Variants in CCSER1 observed in about 807,000 individuals in gnomAD.
CCSER1 encodes coiled-coil serine rich protein 1.
Under a neutral mutation model 82.0 loss-of-function variants are expected in CCSER1, and 41 were observed. The observed-to-expected ratio is 0.50, with a 90% CI of 0.39 to 0.65. The LOEUF (loss-of-function observed/expected upper bound fraction) is 0.65, where lower values mean the gene tolerates loss of function less well. CCSER1 is among the 30% of genes least tolerant of loss of function. The pLI, the probability that CCSER1 is intolerant of heterozygous loss-of-function variation, is 0.00. For missense variants in CCSER1, 1,119 were observed against 1,064.2 expected (o/e 1.05, Z -0.72); for synonymous variants, 414 against 383.9 (o/e 1.08, Z -0.92).
chr4:90,483,586 AG>A (rs1481922394), intron 5 of CCSER1, among the ~76,000 whole-genome samples: 7 of 152,176 alleles, frequency 4.6e-5, no homozygotes. Flanking sequence ...AGAATCTCTC[AG>A]CATTTGCTTG....
intron 7 of CCSER1, among the ~76,000 whole-genome samples, chr4:90,773,560 A>C (rs1752511404): frequency 6.6e-6 from 1 of 152,216 alleles, no homozygotes; most frequent in South Asian, 2.1e-4. Flanking sequence ...CTACCTTCAA[A>C]TACCTTCCCA....
chr4:91,215,311 T>C (rs151239133), intron 10 of CCSER1, among the ~76,000 whole-genome samples: 1 of 152,294 alleles, frequency 6.6e-6, no homozygotes, highest in East Asian at 1.9e-4. Context: ...ATAAAGTACA[T>C]ATGCCTTTAA....
chr4:91,508,100 A>G (rs1759606259), intron 10 of CCSER1, among the ~76,000 whole-genome samples: 1 of 146,408 alleles, frequency 6.8e-6, no homozygotes, highest in African/African-American at 2.5e-5. Flanking sequence ...TCTGTGTAGA[A>G]ACTCCAGTAT....
At chr4:90,650,308 G>T (rs982593831) in intron 6 of CCSER1, among the ~76,000 whole-genome samples, 1 of 152,056 alleles carries the variant, frequency 6.6e-6, no homozygotes, top group African/African-American at 2.4e-5. Flanking sequence ...AAAGGAAGAA[G>T]GTTGCCATGT....
chr4:90,751,440 T>A (rs2149485049), intron 7 of CCSER1, among the ~76,000 whole-genome samples: 1 of 152,200 alleles, frequency 6.6e-6, no homozygotes, highest in East Asian at 1.9e-4. Context: ...GTAATTATAA[T>A]TTTGTCCTAA....
intron 1 of CCSER1, among the ~76,000 whole-genome samples, chr4:90,138,353 A>G (rs1724092635): frequency 6.6e-6 from 1 of 152,100 alleles, no homozygotes; most frequent in Admixed American, 6.6e-5. Context: ...CACTACGCCC[A>G]ACTAAGAATG....
intron 10 of CCSER1, among the ~76,000 whole-genome samples, chr4:91,278,706 G>A (rs994567511): frequency 6.6e-6 from 1 of 151,856 alleles, no homozygotes; most frequent in Non-Finnish European, 1.5e-5. Context: ...GATATGTGAG[G>A]TTTTTTTCTT....
At chr4:90,498,370 C>A (rs2175333) in intron 5 of CCSER1, among the ~76,000 whole-genome samples, 4 of 151,968 alleles carry the variant, frequency 2.6e-5, no homozygotes, top group Admixed American at 1.3e-4. Flanking sequence ...TGATTGACTG[C>A]GCAGAACTGA....
chr4:91,275,851 C>T lies in CCSER1; in HGVS notation c.2217+189857C>T, dbSNP rs560865356. Among the ~76,000 whole-genome samples, 8 of 152,170 alleles carry T rather than the reference C, an allele frequency of 5.3e-5. No individual in the cohort carries two copies. In the East Asian group the frequency reaches 9.7e-4, roughly 18 times the overall value. ...TGATTTTTGTAGATGGTGAGAGATA[C>T]GGTTTCAGTTTCATTCTGTTGCATA... On this transcript the variant is annotated intron_variant, in intron 10 of 10. Transcript: ENST00000509176.
chr4:91,030,385 A>G (rs1401370254), intron 9 of CCSER1, among the ~76,000 whole-genome samples: 1 of 152,132 alleles, frequency 6.6e-6, no homozygotes, highest in Non-Finnish European at 1.5e-5. Flanking sequence ...TGAAATGTGA[A>G]TATTGTGACT....
intron 10 of CCSER1, among the ~76,000 whole-genome samples, chr4:91,484,242 G>A (rs1006225990): frequency 1.3e-5 from 2 of 151,942 alleles, no homozygotes; most frequent in South Asian, 2.1e-4. Context: ...TGAGCTTTTT[G>A]TTACTCTAGA....
intron 3 of CCSER1, among the ~76,000 whole-genome samples, chr4:90,334,553 CA>C (rs11393986): frequency 0.037 from 5,502 of 147,516 alleles, 207 homozygotes; most frequent in African/African-American, 0.11. Flanking sequence ...ACTTTGCTGC[CA>C]AAAAAAAAAG....
At chr4:91,216,997 A>C (rs1581787309) in intron 10 of CCSER1, among the ~76,000 whole-genome samples, 1 of 152,064 alleles carries the variant, frequency 6.6e-6, no homozygotes, top group South Asian at 2.1e-4. Context: ...GAAGCCGCGG[A>C]CCCTCGCGGT....
chr4:90,558,512 T>C (rs2153645804), intron 5 of CCSER1, among the ~76,000 whole-genome samples: 1 of 152,168 alleles, frequency 6.6e-6, no homozygotes, highest in East Asian at 1.9e-4. Flanking sequence ...ATACTTGTTT[T>C]TGTATTCTAG....
chr4:91,280,772 G>T (rs1742855978), intron 10 of CCSER1, among the ~76,000 whole-genome samples: 1 of 152,172 alleles, frequency 6.6e-6, no homozygotes, highest in Non-Finnish European at 1.5e-5. Context: ...TGCTGCCAAT[G>T]GCTCACACTT....
intron 3 of CCSER1, among the ~76,000 whole-genome samples, chr4:90,396,145 AG>A (rs1751925288): frequency 6.6e-6 from 1 of 152,118 alleles, no homozygotes; most frequent in African/African-American, 2.4e-5. Context: ...TTTATTATGT[AG>A]GGCTATCTAG....
intron 10 of CCSER1, among the ~76,000 whole-genome samples, chr4:91,288,908 T>A: frequency 6.6e-6 from 1 of 151,782 alleles, no homozygotes; most frequent in Non-Finnish European, 1.5e-5. Flanking sequence ...AGACTTAGAG[T>A]TGATCAGAGA....
chr4:90,490,192 T>A (rs1767757668), intron 5 of CCSER1, among the ~76,000 whole-genome samples: 1 of 152,186 alleles, frequency 6.6e-6, no homozygotes, highest in Admixed American at 6.5e-5. Flanking sequence ...TGTTGTTTCC[T>A]GACTTTTTAA....
chr4:90,829,435 G>C (rs1396214227), intron 8 of CCSER1, among the ~76,000 whole-genome samples: 1 of 152,020 alleles, frequency 6.6e-6, no homozygotes, highest in Admixed American at 6.6e-5. Flanking sequence ...AAATGAAAGA[G>C]TAAAAATAAA....
Sources: gnomAD v4.1 joint callset for allele counts (sites outside exome capture counted in the v4.1 genomes callset) on GRCh38, gnomAD v4.1.1 for gene constraint, MANE v1.5 for transcripts, NCBI Gene and HGNC (gene_info 2026-07-23, HGNC 2026-07-21) for gene names.